MARCHF1: variants seen among roughly 807,000 people sequenced by gnomAD.
MARCHF1 encodes membrane associated ring-CH-type finger 1.
MARCHF1 carries 40 observed loss-of-function variants against 54.2 expected under a neutral mutation model. The observed-to-expected ratio is 0.74, with a 90% CI of 0.57 to 0.96. MARCHF1 has a LOEUF of 0.96. Among genes scored for constraint, MARCHF1 ranks in the 40% least tolerant of loss-of-function variants. MARCHF1 has a pLI of 0.00. For missense variants in MARCHF1, 586 were observed against 656.5 expected (o/e 0.89, Z 1.17); for synonymous variants, 236 against 236.3 (o/e 1.00, Z 0.01).
At chr4:163,854,726 C>T (rs1749727089) in intron 3 of MARCHF1, among the ~76,000 whole-genome samples, 2 of 152,128 alleles carry the variant, frequency 1.3e-5, no homozygotes, top group Admixed American at 6.6e-5. Context: ...TGACATCTAT[C>T]ACCAGTACAA....
chr4:164,277,999 A>C (rs183800613), intron 1 of MARCHF1, among the ~76,000 whole-genome samples: 1 of 152,288 alleles, frequency 6.6e-6, no homozygotes, highest in East Asian at 1.9e-4. Context: ...GCTTCAAACT[A>C]ATAACCAATA....
At chr4:164,333,563 A>C (rs909459871) in intron 1 of MARCHF1, among the ~76,000 whole-genome samples, 1 of 152,212 alleles carries the variant, frequency 6.6e-6, no homozygotes, top group Non-Finnish European at 1.5e-5. Flanking sequence ...TGGTGAACTT[A>C]ATCAATGAAG....
chr4:163,671,377 C>T (rs1373593957), intron 5 of MARCHF1, among the ~76,000 whole-genome samples: 3 of 152,172 alleles, frequency 2.0e-5, no homozygotes, highest in African/African-American at 7.2e-5. Context: ...ACGGGAATAG[C>T]TGCCAAAATT....
intron 1 of MARCHF1, among the ~76,000 whole-genome samples, chr4:164,308,997 T>C (rs1391343162): frequency 1.3e-5 from 2 of 150,118 alleles, no homozygotes; most frequent in African/African-American, 4.9e-5. Context: ...AAGGAGGATA[T>C]AGCTCAGGGT....
chr4:163,580,219 C>T (rs1011985644), intron 8 of MARCHF1, among the ~76,000 whole-genome samples: 3 of 152,014 alleles, frequency 2.0e-5, no homozygotes, highest in African/African-American at 7.2e-5. Flanking sequence ...GCTGGGATTA[C>T]AGCCACTCAC....
At chr4:164,289,605 A>T (rs985818600) in intron 1 of MARCHF1, among the ~76,000 whole-genome samples, 1 of 128,484 alleles carries the variant, frequency 7.8e-6, no homozygotes, top group African/African-American at 2.8e-5. Flanking sequence ...AAAAAAAAAA[A>T]CCTGTTCAAA....
chr4:163,799,838 A>G (rs1375485924), intron 4 of MARCHF1, among the ~76,000 whole-genome samples: 3 of 152,128 alleles, frequency 2.0e-5, no homozygotes, highest in Non-Finnish European at 4.4e-5. Flanking sequence ...ATGTACTCCT[A>G]CATTCATCGC....
chr4:164,357,583 C>T (rs888581171), intron 1 of MARCHF1, among the ~76,000 whole-genome samples: 2 of 152,058 alleles, frequency 1.3e-5, no homozygotes, highest in Admixed American at 1.3e-4. Context: ...GTCTACCACA[C>T]CCATGTAAGA....
intron 3 of MARCHF1, among the ~76,000 whole-genome samples, chr4:163,892,799 G>A (rs1750690118): frequency 6.6e-6 from 1 of 152,062 alleles, no homozygotes; most frequent in Admixed American, 6.6e-5. Flanking sequence ...AAAGCTAGTA[G>A]GAAAGTGCTA....
intron 2 of MARCHF1, among the ~76,000 whole-genome samples, chr4:164,069,120 C>A (rs7698590): frequency 3.3e-5 from 5 of 151,986 alleles, no homozygotes; most frequent in Admixed American, 2.6e-4. Context: ...AATACACCAA[C>A]TGACACTCTG....
At position 163,700,809 on chromosome 4, in the gene MARCHF1, C is replaced by T. The variant is rs1383971867; in HGVS notation, c.162+4G>A. ...ACAAACAAGAAAATGAGTACTTCAC[C>T]TACTTTTGAAATGTTACTTGATCGA... On this transcript the variant is annotated splice_donor_region_variant and intron_variant, in intron 5 of 9. Transcript: ENST00000514618. The T allele has an allele frequency of 6.5e-7, 1 of 1,535,348 alleles. No homozygotes were observed.
intron 1 of MARCHF1, among the ~76,000 whole-genome samples, chr4:164,335,287 G>T (rs35577487): frequency 0.42 from 63,679 of 151,950 alleles, 13,978 homozygotes; most frequent in Non-Finnish European, 0.49. Context: ...ATTCATTGTC[G>T]TATTTAAGAA....
chr4:163,578,567 C>G (rs1740114303), intron 8 of MARCHF1, among the ~76,000 whole-genome samples: 1 of 152,004 alleles, frequency 6.6e-6, no homozygotes, highest in Non-Finnish European at 1.5e-5. Flanking sequence ...TTTTGATTAG[C>G]CTTGGTTTTG....
At chr4:164,203,754 C>G (rs539253992) in intron 1 of MARCHF1, among the ~76,000 whole-genome samples, 46 of 152,268 alleles carry the variant, frequency 3.0e-4, no homozygotes, top group Middle Eastern at 6.8e-3. Context: ...ATTTGCCTGA[C>G]CTTCAATCTG....
At chr4:163,799,906 C>G (rs771172119) in intron 4 of MARCHF1, among the ~76,000 whole-genome samples, 13 of 151,986 alleles carry the variant, frequency 8.6e-5, no homozygotes, top group Non-Finnish European at 1.6e-4. Context: ...AAATGGTGAA[C>G]TAGATAGAGA....
At chr4:164,228,552 A>G (rs1732322881) in intron 1 of MARCHF1, among the ~76,000 whole-genome samples, 6 of 152,216 alleles carry the variant, frequency 3.9e-5, no homozygotes, top group Admixed American at 3.9e-4. Context: ...TGTTGAGAAA[A>G]ACATGTTTTT....
At chr4:164,158,509 C>A (rs181151449) in intron 1 of MARCHF1, among the ~76,000 whole-genome samples, 1 of 151,970 alleles carries the variant, frequency 6.6e-6, no homozygotes, top group South Asian at 2.1e-4. Flanking sequence ...AGTGTGGTGA[C>A]GGGCGCCTAT....
intron 3 of MARCHF1, among the ~76,000 whole-genome samples, chr4:163,863,912 A>G (rs1166777277): frequency 2.0e-5 from 3 of 152,064 alleles, no homozygotes; most frequent in Non-Finnish European, 4.4e-5. Flanking sequence ...TAGCCAAACA[A>G]AATAGCTCCA....
chr4:164,016,158 ATAAAG>A (rs1160037709), intron 2 of MARCHF1, among the ~76,000 whole-genome samples: 1 of 152,198 alleles, frequency 6.6e-6, no homozygotes, highest in African/African-American at 2.4e-5. Context: ...TGGGTAATTT[ATAAAG>A]TAAAGAGGTT....
Sources: gnomAD v4.1 joint callset for allele counts (sites outside exome capture counted in the v4.1 genomes callset) on GRCh38, gnomAD v4.1.1 for gene constraint, MANE v1.5 for transcripts, NCBI Gene and HGNC (gene_info 2026-07-23, HGNC 2026-07-21) for gene names.